ZNF503: variants seen among roughly 807,000 people sequenced by gnomAD.
ZNF503 encodes the protein NocA-like zinc finger 2.
A neutral mutation model predicts 34.4 loss-of-function variants in ZNF503; 15 were observed. The ratio of observed to expected loss-of-function variants is 0.44; its 90% CI spans 0.29 to 0.67. The LOEUF is 0.67. Ranked by LOEUF, ZNF503 falls within the 30% of genes least tolerant of loss-of-function variation. ZNF503 has a pLI of 0.13. For missense variants in ZNF503, 1,007 were observed against 926.8 expected (o/e 1.09, Z -1.12); for synonymous variants, 580 against 456.8 (o/e 1.27, Z -3.44).
chr10:75,361,886 G>A, the ZNF503 span, among the ~76,000 whole-genome samples: 1 of 152,180 alleles, frequency 6.6e-6, no homozygotes, highest in African/African-American at 2.4e-5. Flanking sequence ...TCACTAAAGG[G>A]GTTCCTGGGA....
At chr10:75,320,061 A>G in the ZNF503 span, among the ~76,000 whole-genome samples, 1 of 152,344 alleles carries the variant, frequency 6.6e-6, no homozygotes, top group Admixed American at 6.5e-5. Flanking sequence ...GGAGGAGGGA[A>G]AATTTTTCAG....
the ZNF503 span, chr10:75,360,981 C>A: frequency 6.6e-6 from 1 of 152,200 alleles, no homozygotes; most frequent in African/African-American, 2.4e-5. Context: ...GGATAATACA[C>A]ACAAAAAACC....
At chr10:75,306,871 C>T in the ZNF503 span, among the ~76,000 whole-genome samples, 37,777 of 152,150 alleles carry the variant, frequency 0.25, 5,682 homozygotes, top group African/African-American at 0.42. Flanking sequence ...GTGAACTTAA[C>T]TGATGAATGT....
the ZNF503 span, among the ~76,000 whole-genome samples, chr10:75,357,552 C>A: frequency 2.0e-5 from 3 of 152,162 alleles, no homozygotes; most frequent in Admixed American, 6.5e-5. Flanking sequence ...CAATAATAAC[C>A]AATATATATC....
the ZNF503 span, among the ~76,000 whole-genome samples, chr10:75,293,657 G>A: frequency 2.0e-5 from 3 of 151,876 alleles, no homozygotes; most frequent in Admixed American, 2.0e-4. Flanking sequence ...GTGTGTGTAT[G>A]TGTGTGTGCG....
the ZNF503 span, among the ~76,000 whole-genome samples, chr10:75,304,530 C>T: frequency 5.9e-5 from 9 of 152,160 alleles, no homozygotes; most frequent in Admixed American, 1.3e-4. Context: ...TTACTACTCT[C>T]AATATGTCCA....
chr10:75,365,823 T>G, the ZNF503 span, among the ~76,000 whole-genome samples: 2 of 151,774 alleles, frequency 1.3e-5, no homozygotes, highest in East Asian at 1.9e-4. Context: ...CTGCTTAGGT[T>G]GTTGTTACTT....
the ZNF503 span, among the ~76,000 whole-genome samples, chr10:75,360,114 C>CT: frequency 0.12 from 13,431 of 108,184 alleles, 1,287 homozygotes; most frequent in African/African-American, 0.18. Context: ...CCAAAGGTTT[C>CT]TTTTTTTTTT....
At chr10:75,315,750 T>G in the ZNF503 span, among the ~76,000 whole-genome samples, 1 of 152,184 alleles carries the variant, frequency 6.6e-6, no homozygotes, top group Non-Finnish European at 1.5e-5. Flanking sequence ...AATAATTATT[T>G]TAAATGTAAA....
chr10:75,341,636 T>G, the ZNF503 span, among the ~76,000 whole-genome samples: 1 of 152,186 alleles, frequency 6.6e-6, no homozygotes, highest in Non-Finnish European at 1.5e-5. Context: ...CAAAAGTAAT[T>G]AAAATATTTA....
At chr10:75,311,240 C>T in the ZNF503 span, among the ~76,000 whole-genome samples, 1 of 152,160 alleles carries the variant, frequency 6.6e-6, no homozygotes, top group Admixed American at 6.5e-5. Flanking sequence ...CTACTTTTTC[C>T]ACATTCTTCT....
rs761609221 is a variant in ZNF503, at chr10:75,399,954, C to T, written c.736G>A (p.Gly246Arg). Residue 246 changes from glycine (G) to arginine (R), a missense_variant, in exon 2 of 2, where the codon GGG (glycine) becomes AGG (arginine). Physicochemically the swap from Gly to Arg is moderately radical, Grantham distance 125. Transcript: ENST00000372524. ...CSPGGMLSSAGGAPEGKDDKK... is the reference protein window; with the variant it reads ...CSPGGMLSSARGAPEGKDDKK... ...TCGTCCTTGCCCTCCGGGGCACCCC[C>T]GGCCGAGGACAGCATACCTCCCGGC... 4 of 1,606,204 alleles carry T rather than the reference C, an allele frequency of 2.5e-6. No homozygotes were observed. Among genetic ancestry groups the T allele is most frequent in the African/African-American group, 1.3e-5 (1 of 74,862 alleles).
At chr10:75,363,081 T>TACACAC in the ZNF503 span, among the ~76,000 whole-genome samples, 3,744 of 148,726 alleles carry the variant, frequency 0.025, 53 homozygotes, top group South Asian at 0.035. Flanking sequence ...CATGCATGCA[T>TACACAC]ACACACACAC....
At chr10:75,333,590 C>T in the ZNF503 span, among the ~76,000 whole-genome samples, 1 of 54,586 alleles carries the variant, frequency 1.8e-5, no homozygotes. Context: ...GGGGGGCTGA[C>T]CCCCCCACCT....
At chr10:75,335,525 A>AC in the ZNF503 span, among the ~76,000 whole-genome samples, 1 of 152,026 alleles carries the variant, frequency 6.6e-6, no homozygotes, top group Non-Finnish European at 1.5e-5. Context: ...GTTCTAAGAG[A>AC]CCCCCAGGTG....
chr10:75,384,559 C>T, the ZNF503 span, among the ~76,000 whole-genome samples: 4 of 152,106 alleles, frequency 2.6e-5, no homozygotes, highest in Admixed American at 6.5e-5. Flanking sequence ...CACATGGACA[C>T]AACTCCCTTG....
At chr10:75,317,167 C>T in the ZNF503 span, among the ~76,000 whole-genome samples, 1 of 150,520 alleles carries the variant, frequency 6.6e-6, no homozygotes, top group East Asian at 2.0e-4. Context: ...GTCTCAAACT[C>T]ATGAGCTCAA....
rs755096965 is a variant in ZNF503 at position 75,399,346 on chromosome 10, G to A, written c.1344C>T (p.Ser448=). 8 of 1,604,220 alleles carry A rather than the reference G, an allele frequency of 5.0e-6. No individual in the cohort carries two copies. The South Asian group carries it at 7.7e-5, about 16-fold the overall frequency. Residue 448 remains serine (S), a synonymous_variant, in exon 2 of 2, where the codon AGC becomes AGT. Transcript: ENST00000372524. Reference sequence around the variant, plus strand: ...CAGCCGGATCATGTGCGCAAGAAGCGCTGGCGGCCGCCGCCCCTGCCAGGT... The same window carrying A: ...CAGCCGGATCATGTGCGCAAGAAGCACTGGCGGCCGCCGCCCCTGCCAGGT... The part of the protein sequence containing the change: ...ASHLAGAAAA[S]ASCAHDPAAA...
At chr10:75,369,674 T>C in the ZNF503 span, among the ~76,000 whole-genome samples, 1 of 152,230 alleles carries the variant, frequency 6.6e-6, no homozygotes, top group African/African-American at 2.4e-5. Flanking sequence ...AAAATAGTTT[T>C]TGAAAAGCTA....
Sources: gnomAD v4.1 joint callset for allele counts (sites outside exome capture counted in the v4.1 genomes callset) on GRCh38, gnomAD v4.1.1 for gene constraint, MANE v1.5 for transcripts, NCBI Gene and HGNC (gene_info 2026-07-23, HGNC 2026-07-21) for gene names.